SERPINB11: variants seen among roughly 807,000 people sequenced by gnomAD.
The protein encoded by SERPINB11 is serpin B11.
A neutral mutation model predicts 36.7 loss-of-function variants in SERPINB11; 32 were observed. The observed-to-expected ratio is 0.87, with a 90% CI of 0.66 to 1.17. SERPINB11 has a LOEUF of 1.17. SERPINB11 is among the 50% of genes most tolerant of loss of function. The pLI is 0.00. For missense variants in SERPINB11, 528 were observed against 458.4 expected, an observed-to-expected ratio of 1.15 and a Z score of -1.39; for synonymous variants, 174 against 168.1, an observed-to-expected ratio of 1.04 and a Z score of -0.27.
At chr18:63,709,310 G>A (rs1048592601) in intron 1 of SERPINB11, among the ~76,000 whole-genome samples, 15 of 152,094 alleles carry the variant, frequency 9.9e-5, no homozygotes, top group African/African-American at 3.6e-4. Flanking sequence ...TCCCACTGAG[G>A]AGATAAAAAT....
chr18:63,707,921 G>A (rs1015370710), intron 1 of SERPINB11, among the ~76,000 whole-genome samples: 1 of 152,226 alleles, frequency 6.6e-6, no homozygotes, highest in Non-Finnish European at 1.5e-5. Flanking sequence ...ATGGAATGGA[G>A]GGATGTGGGC....
chr18:63,711,633 CT>C (rs1568184524), intron 3 of SERPINB11, among the ~76,000 whole-genome samples: 1 of 152,086 alleles, frequency 6.6e-6, no homozygotes, highest in Non-Finnish European at 1.5e-5. Flanking sequence ...TTTACTCAAA[CT>C]TTTTTGTTCC....
intron 4 of SERPINB11, among the ~76,000 whole-genome samples, chr18:63,715,659 C>T (rs1242937340): frequency 2.0e-5 from 3 of 152,142 alleles, no homozygotes; most frequent in African/African-American, 7.2e-5. Context: ...CTCTGCTTCT[C>T]AGTTTTCCTG....
intron 1 of SERPINB11, among the ~76,000 whole-genome samples, chr18:63,708,241 TA>T (rs1433707497): frequency 2.6e-5 from 4 of 152,106 alleles, no homozygotes; most frequent in Non-Finnish European, 5.9e-5. Context: ...CTTCTCTGAG[TA>T]AAAGGGAAGA....
In SERPINB11 at chr18:63,723,719, T is replaced by C; in HGVS notation, c.*320T>C. The C allele has an allele frequency of 4.4e-6, 1 of 225,186 alleles. No homozygotes were observed. 13.9% of individuals were successfully genotyped at this position (225,186 alleles called of 1,614,324 possible). On this transcript the variant is annotated 3_prime_UTR_variant, in exon 8 of 8. Coordinates refer to ENST00000544088, the MANE Select transcript of SERPINB11 (RefSeq NM_001370475.1). ...ATTAGATTTTCTTGACTTGTATGTA[T>C]CTGTGAGATCTTGAATAAGTGACCT... is the stretch of plus-strand genomic sequence containing the variant.
chr18:63,723,518 C>A lies in SERPINB11; in HGVS notation c.*119C>A. On this transcript the variant is annotated 3_prime_UTR_variant, in exon 8 of 8. Transcript: ENST00000544088. ...CACCTCTGTGCCTCAGTTTGCTCAT[C>A]TGCAAAATAGGTCTAGGATTTCTTC... The A allele has an allele frequency of 1.1e-6, 1 of 882,530 alleles. No individual in the cohort carries two copies. Among genetic ancestry groups the A allele is most frequent in the Non-Finnish European group, 1.7e-6 (1 of 575,604 alleles). 54.7% of individuals were successfully genotyped at this position (882,530 alleles called of 1,614,324 possible).
At chr18:63,716,406 A>G (rs1914669113) in intron 5 of SERPINB11, among the ~76,000 whole-genome samples, 1 of 152,232 alleles carries the variant, frequency 6.6e-6, no homozygotes, top group Non-Finnish European at 1.5e-5. Context: ...AATTAAATTT[A>G]AATTTACTTT....
chr18:63,717,607 T>C (rs1914701206), intron 5 of SERPINB11, among the ~76,000 whole-genome samples: 2 of 152,050 alleles, frequency 1.3e-5, no homozygotes, highest in South Asian at 2.1e-4. Flanking sequence ...ATGAATTATA[T>C]GGTTGAACAA....
chr18:63,711,241 A>T, intron 2 of SERPINB11, 94 bp from the exon 3 acceptor site: 1 of 863,270 alleles, frequency 1.2e-6, no homozygotes, highest in Non-Finnish European at 1.9e-6. Context: ...ACTGATCTTG[A>T]TCTAAAATAG....
Position 63,723,114 on chromosome 18 carries a change from T to C in SERPINB11, c.894T>C (p.Asn298=). 3 of 1,607,344 alleles carry C rather than the reference T, an allele frequency of 1.9e-6. No individual in the cohort carries two copies. Among genetic ancestry groups the C allele is most frequent in the Non-Finnish European group, 2.6e-6 (3 of 1,176,396 alleles). ...AACTTGAAACTAAGTATGAGCTAAATTCCCTGTTAAAATCTCTAGGGGTGA... is the reference window on the plus strand; with the variant it reads ...AACTTGAAACTAAGTATGAGCTAAACTCCCTGTTAAAATCTCTAGGGGTGA... The part of the protein sequence containing the change: ...RFKLETKYEL[N]SLLKSLGVTD... Residue 298 remains asparagine (N), a synonymous_variant, in exon 8 of 8, where the codon AAT becomes AAC. Coordinates refer to ENST00000544088, the MANE Select transcript of SERPINB11 (RefSeq NM_001370475.1).
intron 5 of SERPINB11, 98 bp from the exon 6 acceptor site, chr18:63,719,915 G>A (rs1177109381): frequency 1.0e-6 from 1 of 960,120 alleles, no homozygotes; most frequent in Non-Finnish European, 1.5e-6. Context: ...TTTACAATTA[G>A]TCTTAAAAAA....
intron 1 of SERPINB11, among the ~76,000 whole-genome samples, chr18:63,708,546 A>G (rs1914430878): frequency 6.6e-6 from 1 of 152,204 alleles, no homozygotes. Context: ...TTAGCTTGAG[A>G]AAGAATAGAA....
chr18:63,713,844 G>A (rs556846715), intron 4 of SERPINB11, among the ~76,000 whole-genome samples: 27 of 152,160 alleles, frequency 1.8e-4, no homozygotes, highest in Non-Finnish European at 3.8e-4. Context: ...TTCCAGAAGT[G>A]AGAAGGTCCT....
rs1199158964 is a variant in SERPINB11, at chr18:63,710,983, C to T, written c.169-352C>T. 3.9e-5 allele frequency among the ~76,000 whole-genome samples: 6 copies of T among 152,270 alleles called. No individual in the cohort carries two copies. The East Asian group carries it at 9.7e-4, about 25-fold the overall frequency. On this transcript the variant is annotated intron_variant, in intron 2 of 7. Transcript: ENST00000544088. ...AACCATGTAAGGTCTTACACAGCCC[C>T]AGATGGGTACTGTCTTAGTTAACAG... is the stretch of plus-strand genomic sequence containing the variant.
In SERPINB11 at chr18:63,710,263, A is replaced by G. The variant is rs373123817; in HGVS notation, c.70A>G (p.Ile24Val). Reference protein sequence around the residue: ...DVFKELNSNNIGDNIFFSSLS... With the variant: ...DVFKELNSNNVGDNIFFSSLS... ...GTTCAAAGAGCTGAACAGTAACAAC[A>G]TAGGAGATAACATCTTCTTTTCTTC... Residue 24 changes from isoleucine (I) to valine (V), a missense_variant, in exon 2 of 8, where the codon ATA becomes GTA. By Grantham distance (29) the Ile-to-Val change is conservative (BLOSUM62 3). Transcript: ENST00000544088. 6.2e-7 allele frequency: 1 copy of G among 1,613,886 alleles called. No individual in the cohort carries two copies. The highest frequency in any genetic ancestry group is 1.1e-5 in the South Asian group (1 of 91,062).
rs1395266 is a variant in SERPINB11 at position 63,723,098 on chromosome 18, C to T, written c.878C>T (p.Thr293Ile). Reference protein sequence around the residue: ...EVHLPRFKLETKYELNSLLKS... With the variant: ...EVHLPRFKLEIKYELNSLLKS... The stretch of plus-strand genomic sequence containing the variant: ...CACCTCCCCCGATTCAAACTTGAAA[C>T]TAAGTATGAGCTAAATTCCCTGTTA... Residue 293 changes from threonine (T) to isoleucine (I), a missense_variant, in exon 8 of 8, where the codon ACT (threonine) becomes ATT (isoleucine). By Grantham distance (89) the Thr-to-Ile change is moderately conservative (BLOSUM62 -1). Transcript: ENST00000544088. 1,161,872 of 1,599,906 alleles carry T rather than the reference C, an allele frequency of 0.73. 423,228 individuals are homozygous for T. Among genetic ancestry groups the T allele is most frequent in the East Asian group, 0.85 (37,964 of 44,570 alleles).
intron 1 of SERPINB11, among the ~76,000 whole-genome samples, chr18:63,709,729 A>G (rs1283842958): frequency 1.3e-5 from 2 of 152,204 alleles, no homozygotes; most frequent in Admixed American, 6.5e-5. Flanking sequence ...TGAGATGGAG[A>G]TGTTCTCCTG....
At chr18:63,708,410 G>C (rs1395128915) in intron 1 of SERPINB11, among the ~76,000 whole-genome samples, 1 of 152,182 alleles carries the variant, frequency 6.6e-6, no homozygotes, top group South Asian at 2.1e-4. Context: ...TAAAACTGGG[G>C]AGCATGAGAA....
chr18:63,703,841 G>A (rs1313413693), intron 1 of SERPINB11, among the ~76,000 whole-genome samples: 2 of 152,198 alleles, frequency 1.3e-5, no homozygotes, highest in East Asian at 1.9e-4. Flanking sequence ...CCTTCCACAC[G>A]TATCCCAAAT....
Sources: allele counts gnomAD v4.1 joint callset (sites outside exome capture counted in the v4.1 genomes callset), GRCh38; gene constraint gnomAD v4.1.1; transcripts MANE v1.5; gene names NCBI Gene and HGNC (gene_info 2026-07-23, HGNC 2026-07-21).